Variants in USP13 observed in about 807,000 individuals in gnomAD.
USP13 encodes ubiquitin carboxyl-terminal hydrolase 13.
A neutral mutation model predicts 107.8 loss-of-function variants in USP13; 68 were observed. The ratio of observed to expected loss-of-function variants is 0.63; its 90% CI spans 0.52 to 0.77. The LOEUF is 0.77. USP13 is among the 30% of genes least tolerant of loss of function. USP13 has a pLI of 0.00. For missense variants in USP13, 945 were observed against 1,093.3 expected, an observed-to-expected ratio of 0.86 and a Z score of 1.91; for synonymous variants, 377 against 389.5, an observed-to-expected ratio of 0.97 and a Z score of 0.38.
chr3:179,765,686 T>C lies in USP13; in HGVS notation c.2260-9T>C, dbSNP rs1715149873. 1 of 1,613,528 alleles carries C rather than the reference T, an allele frequency of 6.2e-7. No individual in the cohort carries two copies. The highest frequency in any genetic ancestry group is 1.1e-5 in the South Asian group (1 of 91,020). ...ATTGTAAAAACATCTGTTTCTTTTTTGTTGTTAGAATAATAACCTGGAAAG... is the reference window on the plus strand; with the variant it reads ...ATTGTAAAAACATCTGTTTCTTTTTCGTTGTTAGAATAATAACCTGGAAAG... On this transcript the variant is annotated splice_polypyrimidine_tract_variant and intron_variant, in intron 18 of 20. Coordinates refer to ENST00000263966, the MANE Select transcript of USP13 (RefSeq NM_003940.3).
intron 8 of USP13, among the ~76,000 whole-genome samples, chr3:179,725,591 G>T (rs1342477256): frequency 1.3e-5 from 2 of 152,196 alleles, no homozygotes; most frequent in African/African-American, 4.8e-5. Flanking sequence ...AGAAGTCATT[G>T]CCAAGTAATA....
At chr3:179,738,007 C>T (rs781681090) in intron 10 of USP13, among the ~76,000 whole-genome samples, 6 of 152,130 alleles carry the variant, frequency 3.9e-5, no homozygotes, top group African/African-American at 9.7e-5. Context: ...GCCTCTTTGT[C>T]GCAGGGAGAT....
intron 3 of USP13, among the ~76,000 whole-genome samples, chr3:179,691,233 T>C (rs2108464622): frequency 6.6e-6 from 1 of 152,236 alleles, no homozygotes; most frequent in South Asian, 2.1e-4. Context: ...AACTACAGAC[T>C]TCATTCAGAT....
chr3:179,751,195 T>G (rs1269748880), intron 13 of USP13, among the ~76,000 whole-genome samples: 1 of 152,212 alleles, frequency 6.6e-6, no homozygotes, highest in African/African-American at 2.4e-5. Flanking sequence ...AACTAGGGTA[T>G]GAATTTGGTG....
intron 13 of USP13, 42 bp downstream of exon 13, chr3:179,745,259 C>G: frequency 1.3e-6 from 2 of 1,599,464 alleles, no homozygotes; most frequent in East Asian, 2.2e-5. Flanking sequence ...TGAGGAGGGG[C>G]CTTGAGGGGT....
chr3:179,719,521 T>TC (rs1166390860), intron 6 of USP13, among the ~76,000 whole-genome samples: 4 of 151,838 alleles, frequency 2.6e-5, no homozygotes, highest in Non-Finnish European at 5.9e-5. Flanking sequence ...TTCTCTCTGT[T>TC]CCCCCGGAGG....
intron 15 of USP13, among the ~76,000 whole-genome samples, chr3:179,756,828 T>C (rs1714821264): frequency 6.6e-6 from 1 of 152,100 alleles, no homozygotes; most frequent in South Asian, 2.1e-4. Context: ...GTTAGGATAA[T>C]AATCAAAGCA....
At chr3:179,688,350 T>A (rs1031114519) in intron 2 of USP13, among the ~76,000 whole-genome samples, 10 of 152,224 alleles carry the variant, frequency 6.6e-5, no homozygotes, top group Admixed American at 2.6e-4. Flanking sequence ...ACGATATGAC[T>A]GTGCCTTTTT....
At chr3:179,658,274 A>G (rs62291845) in intron 1 of USP13, among the ~76,000 whole-genome samples, 20,008 of 152,098 alleles carry the variant, frequency 0.13, 1,717 homozygotes, top group Admixed American at 0.24. Flanking sequence ...CTTTTCTAAG[A>G]CCACCTTCCT....
At chr3:179,747,450 G>T (rs1303982324) in intron 13 of USP13, among the ~76,000 whole-genome samples, 2 of 152,218 alleles carry the variant, frequency 1.3e-5, no homozygotes, top group Non-Finnish European at 2.9e-5. Context: ...CTGGGGTATT[G>T]TTCACTTGCC....
At chr3:179,781,543 T>TG (rs11406918) in intron 19 of USP13, among the ~76,000 whole-genome samples, 196 bp from the exon 20 acceptor site, 60,791 of 151,990 alleles carry the variant, frequency 0.4, 13,891 homozygotes, top group African/African-American at 0.64. Context: ...GTCCTATTTT[T>TG]TGATCACAAA....
At chr3:179,745,471 G>C (rs1714371532) in intron 13 of USP13, among the ~76,000 whole-genome samples, 1 of 151,742 alleles carries the variant, frequency 6.6e-6, no homozygotes, top group Non-Finnish European at 1.5e-5. Context: ...ATGTAAGGTT[G>C]TGATTTATTC....
intron 19 of USP13, among the ~76,000 whole-genome samples, chr3:179,781,028 A>G (rs771918685): frequency 6.6e-6 from 1 of 152,216 alleles, no homozygotes; most frequent in African/African-American, 2.4e-5. Flanking sequence ...CACTTTGGCA[A>G]CATGAACTAA....
intron 7 of USP13, among the ~76,000 whole-genome samples, chr3:179,720,811 C>CTTT (rs1215405779): frequency 2.1e-5 from 3 of 142,496 alleles, no homozygotes; most frequent in African/African-American, 5.2e-5. Flanking sequence ...TCTTTAAAAT[C>CTTT]TTTTTTTTTT....
chr3:179,654,213 C>CCAA (rs531481502), intron 1 of USP13, among the ~76,000 whole-genome samples: 13 of 105,484 alleles, frequency 1.2e-4, no homozygotes, highest in Middle Eastern at 4.5e-3. Context: ...GACTCCGTCT[C>CCAA]AAAAAAAAAA....
intron 10 of USP13, among the ~76,000 whole-genome samples, chr3:179,731,474 T>C (rs1344986574): frequency 6.6e-6 from 1 of 152,154 alleles, no homozygotes; most frequent in Non-Finnish European, 1.5e-5. Flanking sequence ...AATCAGAATT[T>C]CAGGGGAGGG....
intron 6 of USP13, among the ~76,000 whole-genome samples, chr3:179,719,328 GCC>G (rs1713221458): frequency 6.6e-6 from 1 of 152,138 alleles, no homozygotes; most frequent in African/African-American, 2.4e-5. Context: ...TTAGGGAAGC[GCC>G]ACACAGTCTT....
At chr3:179,748,405 G>A (rs1714485583) in intron 13 of USP13, among the ~76,000 whole-genome samples, 1 of 152,206 alleles carries the variant, frequency 6.6e-6, no homozygotes, top group Non-Finnish European at 1.5e-5. Context: ...TTCCAGCAAT[G>A]TAGGCTGTGA....
intron 1 of USP13, among the ~76,000 whole-genome samples, chr3:179,670,839 A>G (rs1348949594): frequency 1.3e-5 from 2 of 151,982 alleles, no homozygotes; most frequent in African/African-American, 4.8e-5. Flanking sequence ...CTGGGATTAC[A>G]GGTGTGTGCC....
Sources: allele counts gnomAD v4.1 joint callset (sites outside exome capture counted in the v4.1 genomes callset), GRCh38; gene constraint gnomAD v4.1.1; transcripts MANE v1.5; gene names NCBI Gene and HGNC (gene_info 2026-07-23, HGNC 2026-07-21).